The following ATXN7 variants were observed in gnomAD, a reference collection of about 807,000 sequenced individuals.
ATXN7 encodes the protein ataxin-7.
A neutral mutation model predicts 70.5 loss-of-function variants in ATXN7; 12 were observed. That is an observed-to-expected ratio of 0.17 (90% CI 0.11 to 0.28). The LOEUF is 0.28. Ranked by LOEUF, ATXN7 falls within the 10% of genes least tolerant of loss-of-function variation. The pLI is 1.00. For synonymous variants in ATXN7, 498 were observed against 448.7 expected (o/e 1.11, Z -1.39); for missense variants, 1,256 against 1,131.7 (o/e 1.11, Z -1.58).
intron 1 of ATXN7, among the ~76,000 whole-genome samples, chr3:63,871,968 C>G (rs955644102): frequency 7.9e-5 from 12 of 151,570 alleles, no homozygotes; most frequent in African/African-American, 2.9e-4. Flanking sequence ...TTATTTGCAC[C>G]TGCATCTTTG....
At chr3:63,981,993 GC>G (rs1262916210) in intron 6 of ATXN7, among the ~76,000 whole-genome samples, 192 bp from the exon 7 acceptor site, 6 of 152,176 alleles carry the variant, frequency 3.9e-5, no homozygotes, top group Non-Finnish European at 8.8e-5. Context: ...TGAGGGTTTT[GC>G]CTCACCAGAA....
rs201198489 is a variant in ATXN7, at chr3:63,990,757, G to A, written c.1580G>A (p.Arg527Gln). The change falls in exon 11 of 13, where the codon CGG (arginine) becomes CAG (glutamine). Residue 527 changes from arginine (R) to glutamine (Q), a missense_variant. Arg to Gln is a conservative substitution (Grantham distance 43, BLOSUM62 1). Coordinates refer to ENST00000674280, the MANE Select transcript of ATXN7 (RefSeq NM_001377405.1). The stretch of plus-strand genomic sequence containing the variant: ...TTGCAGTTTTGCACATTTGGGAGCC[G>A]GCAGATAGGAAGAGGCTATTACGTG... The part of the protein sequence containing the change: ...QPASFCTFGS[R>Q]QIGRGYYVFD... 66 of 1,613,976 alleles carry A rather than the reference G, an allele frequency of 4.1e-5. No individual in the cohort carries two copies. The highest frequency in any genetic ancestry group is 5.0e-5 in the Non-Finnish European group (59 of 1,180,000).
chr3:63,931,327 A>G (rs970069196), intron 4 of ATXN7, among the ~76,000 whole-genome samples: 2 of 152,140 alleles, frequency 1.3e-5, no homozygotes, highest in African/African-American at 4.8e-5. Context: ...AAAAAAAAGT[A>G]GAGGAGAAAG....
chr3:63,983,280 C>T (rs1345920954), intron 8 of ATXN7, among the ~76,000 whole-genome samples: 1 of 152,204 alleles, frequency 6.6e-6, no homozygotes, highest in Non-Finnish European at 1.5e-5. Flanking sequence ...ATAGTGTTCT[C>T]TCCCAGTCTG....
In ATXN7 at chr3:63,899,623, C is replaced by CT. The variant is rs1019642375; in HGVS notation, c.-12+1134dup. ...CCCCAACTCTAGAAATTTTTTTTTT[C>CT]TTTTTTTTGAGACCTTTTCTTGCTC... is the stretch of plus-strand genomic sequence containing the variant. On this transcript the variant is annotated intron_variant, in intron 2 of 12. Transcript: ENST00000674280. 8.7e-5 allele frequency among the ~76,000 whole-genome samples: 13 copies of CT among 149,986 alleles called. No homozygotes were observed. The South Asian group carries it at 1.5e-3, about 17-fold the overall frequency.
intron 5 of ATXN7, among the ~76,000 whole-genome samples, chr3:63,976,840 C>T (rs2106742300): frequency 6.6e-6 from 1 of 152,292 alleles, no homozygotes; most frequent in Non-Finnish European, 1.5e-5. Context: ...CAGTGACACA[C>T]ACAGAAAAAC....
At chr3:63,997,695 T>C in intron 12 of ATXN7, 1 of 1,551,668 alleles carries the variant, frequency 6.4e-7, no homozygotes, top group African/African-American at 1.4e-5. Context: ...AATGTGAGGC[T>C]CTTTTTCATG....
At chr3:63,956,307 C>T (rs1213244295) in intron 5 of ATXN7, among the ~76,000 whole-genome samples, 1 of 151,508 alleles carries the variant, frequency 6.6e-6, no homozygotes, top group African/African-American at 2.4e-5. Context: ...GGCGTGCGCT[C>T]CCACTTGGGA....
chr3:63,910,998 A>G lies in ATXN7; in HGVS notation c.-11-1590A>G, dbSNP rs566777608. ...GTTTCTGCAAGTTGGACCAACAAAG[A>G]AGTTGGCTACCTCTGTCACATCAGA... On this transcript the variant is annotated intron_variant, in intron 2 of 12. Transcript: ENST00000674280. Among the ~76,000 whole-genome samples, 11 of 152,206 alleles carry G rather than the reference A, an allele frequency of 7.2e-5. No individual in the cohort carries two copies. In the South Asian group the frequency reaches 2.3e-3, roughly 32 times the overall value.
chr3:63,916,042 A>G (rs969775485), intron 4 of ATXN7, among the ~76,000 whole-genome samples: 3 of 152,160 alleles, frequency 2.0e-5, no homozygotes, highest in Admixed American at 6.5e-5. Flanking sequence ...GAATTCTCCA[A>G]TGTGCAATTT....
intron 5 of ATXN7, among the ~76,000 whole-genome samples, chr3:63,979,615 C>CA (rs2075452347): frequency 6.6e-6 from 1 of 152,110 alleles, no homozygotes; most frequent in Non-Finnish European, 1.5e-5. Context: ...TCATTTTTAG[C>CA]ACGCAAAACC....
At position 63,877,193 on chromosome 3, in the gene ATXN7, A is replaced by C. The variant is rs114776121; in HGVS notation, c.-111+13035A>C. Among the ~76,000 whole-genome samples the C allele has an allele frequency of 7.8e-3, 1,188 of 152,342 alleles. 10 individuals are homozygous for C. The highest frequency in any genetic ancestry group is 0.012 in the Non-Finnish European group (813 of 68,030). On this transcript the variant is annotated intron_variant, in intron 1 of 12. Transcript: ENST00000674280. ...AAATTTGGGTCTTAAGGAAAAACTGAAATTCCTGAATGCTTACAGAGGTTT... is the reference window on the plus strand; with the variant it reads ...AAATTTGGGTCTTAAGGAAAAACTGCAATTCCTGAATGCTTACAGAGGTTT...
intron 2 of ATXN7, chr3:63,905,848 G>A (rs750802115): frequency 6.6e-6 from 1 of 152,170 alleles, no homozygotes; most frequent in Non-Finnish European, 1.5e-5. Context: ...GAGAATATTG[G>A]TTAAAATAAA....
At chr3:63,871,201 T>C (rs1702582533) in intron 1 of ATXN7, among the ~76,000 whole-genome samples, 1 of 152,212 alleles carries the variant, frequency 6.6e-6, no homozygotes, top group Admixed American at 6.5e-5. Flanking sequence ...AGAGATTATT[T>C]GGGTATTGTA....
Position 63,912,734 on chromosome 3 carries a change from C to A in ATXN7, c.136C>A (p.Gln46Lys). 1 of 1,270,638 alleles carries A rather than the reference C, an allele frequency of 7.9e-7. No individual in the cohort carries two copies. The highest frequency in any genetic ancestry group is 1.6e-5 in the African/African-American group (1 of 63,500). 78.7% of individuals were successfully genotyped at this position (1,270,638 alleles called of 1,614,324 possible). ...GCAGCAGCCGCCGCCTCCGCAGCCC[C>A]AGCGGCAGCAGCACCCGCCACCGCC... is the stretch of plus-strand genomic sequence containing the variant. ...QQQQPPPPQPQRQQHPPPPPR... is the reference protein window; with the variant it reads ...QQQQPPPPQPKRQQHPPPPPR... Residue 46 changes from glutamine (Q) to lysine (K), a missense_variant, in exon 3 of 13, where the codon CAG becomes AAG. Physicochemically the swap from Gln to Lys is moderately conservative, Grantham distance 53. Transcript: ENST00000674280.
chr3:63,940,471 A>G (rs1179573122), intron 4 of ATXN7, among the ~76,000 whole-genome samples: 1 of 152,206 alleles, frequency 6.6e-6, no homozygotes, highest in African/African-American at 2.4e-5. Context: ...TTTACACAAT[A>G]TACCTGACAG....
chr3:63,884,948 C>A (rs1320234787), intron 1 of ATXN7, among the ~76,000 whole-genome samples: 1 of 152,024 alleles, frequency 6.6e-6, no homozygotes, highest in African/African-American at 2.4e-5. Context: ...TGTGAGCCAC[C>A]ACGCCCAGCC....
intron 5 of ATXN7, among the ~76,000 whole-genome samples, chr3:63,974,674 C>T (rs1014529953): frequency 1.3e-5 from 2 of 152,188 alleles, no homozygotes; most frequent in African/African-American, 2.4e-5. Context: ...CCATGTAAAT[C>T]CCGTAGCATG....
chr3:63,863,939 C>A lies in ATXN7; in HGVS notation c.-330C>A. On this transcript the variant is annotated 5_prime_UTR_variant, in exon 1 of 13. Transcript: ENST00000674280. ...GCGGCCGCCTGCTCCGACGCCTGAG[C>A]CGCGCCGCGCCGCGCCGCCGCCGCC... 6.5e-6 allele frequency: 1 copy of A among 153,678 alleles called. No individual in the cohort carries two copies. The highest frequency in any genetic ancestry group is 1.2e-5 in the Non-Finnish European group (1 of 86,748). The allele number at this position is 153,678 out of a possible 1,614,324, so 9.5% of individuals were successfully genotyped here.
Sources: gnomAD v4.1 joint callset for allele counts (sites outside exome capture counted in the v4.1 genomes callset) on GRCh38, gnomAD v4.1.1 for gene constraint, MANE v1.5 for transcripts, NCBI Gene and HGNC (gene_info 2026-07-23, HGNC 2026-07-21) for gene names.